NDUFS1: variants seen among roughly 807,000 people sequenced by gnomAD.
NDUFS1 encodes the protein NADH-ubiquinone oxidoreductase 75 kDa subunit, mitochondrial.
In NDUFS1, 61 loss-of-function variants were observed where a neutral mutation model predicts 84.4. That is an observed-to-expected ratio of 0.72 (90% confidence interval 0.59 to 0.89). The LOEUF is 0.89. NDUFS1 is among the 40% of genes least tolerant of loss of function. NDUFS1 has a pLI of 0.00. For missense variants in NDUFS1, 891 were observed against 890.0 expected, an observed-to-expected ratio of 1.00 and a Z score of -0.01; for synonymous variants, 275 against 290.0, an observed-to-expected ratio of 0.95 and a Z score of 0.53.
chr2:206,138,716 A>G (rs1484102076), intron 12 of NDUFS1, 102 bp from the exon 13 acceptor site: 26 of 1,159,666 alleles, frequency 2.2e-5, no homozygotes, highest in Non-Finnish European at 3.1e-5. Context: ...CAAAATGTTA[A>G]AAGCACAGAC....
intron 13 of NDUFS1, 35 bp from the exon 14 acceptor site, chr2:206,133,140 T>C: frequency 6.5e-7 from 1 of 1,531,042 alleles, no homozygotes; most frequent in Non-Finnish European, 8.9e-7. Flanking sequence ...GATTTTAAAA[T>C]ATTACAAGTA....
At chr2:206,137,718 T>C (rs932629459) in intron 13 of NDUFS1, among the ~76,000 whole-genome samples, 6 of 151,544 alleles carry the variant, frequency 4.0e-5, no homozygotes, top group Admixed American at 1.3e-4. Context: ...AGCAAAACAA[T>C]AAAGCCAACA....
At chr2:206,124,338 A>C (rs975474711) in intron 18 of NDUFS1, 62 bp from the exon 19 acceptor site, 58 of 1,224,188 alleles carry the variant, frequency 4.7e-5, no homozygotes, top group Non-Finnish European at 6.5e-5. Flanking sequence ...ACATACTAAA[A>C]CTTTAATGGT....
intron 18 of NDUFS1, among the ~76,000 whole-genome samples, chr2:206,124,851 T>C (rs191806201): frequency 6.6e-5 from 10 of 151,718 alleles, no homozygotes; most frequent in Admixed American, 1.3e-4. Context: ...AAAAAATAAA[T>C]AAATAAATAA....
intron 12 of NDUFS1, among the ~76,000 whole-genome samples, chr2:206,138,893 GATTA>G (rs1691826408): frequency 6.6e-6 from 1 of 152,264 alleles, no homozygotes; most frequent in East Asian, 1.9e-4. Flanking sequence ...AAGGCAGGTG[GATTA>G]ATTGAGGTCA....
intron 1 of NDUFS1, among the ~76,000 whole-genome samples, chr2:206,157,962 G>GCTT (rs200320257): frequency 1.9e-4 from 14 of 74,610 alleles, no homozygotes; most frequent in African/African-American, 7.0e-4. Context: ...TATTTCAATA[G>GCTT]CTTTTTTTTT....
rs1307721241 is a variant in NDUFS1 at position 206,127,975 on chromosome 2, G to A, written c.1709-3C>T. 2 of 1,613,904 alleles carry A rather than the reference G, an allele frequency of 1.2e-6. No individual in the cohort carries two copies. Among genetic ancestry groups the A allele is most frequent in the Non-Finnish European group, 8.5e-7 (1 of 1,179,952 alleles). On this transcript the variant is annotated splice_polypyrimidine_tract_variant and splice_region_variant and intron_variant, in intron 15 of 18. Transcript: ENST00000233190. ...AGCCCCAACATCACCATGATGTCCT[G>A]CACAAAGATGGAAAATGGTAAACCA... is the stretch of plus-strand genomic sequence containing the variant.
At position 206,153,622 on chromosome 2, in the gene NDUFS1, T is replaced by C. The variant is rs1376694111; in HGVS notation, c.57A>G (p.Gly19=). 8 of 1,536,236 alleles carry C rather than the reference T, an allele frequency of 5.2e-6. No individual in the cohort carries two copies. In the African/African-American group the frequency reaches 1.1e-4, roughly 21 times the overall value. ...CAAATTTAAGAAAATACTCACCACA[T>C]CCTTTAGGAGACTTAGAAAGGCCTA... ...ALVGLSKSPK[G]CVRTTATAAS... The change falls in exon 2 of 19, where the codon GGA becomes GGG. Residue 19 remains glycine, a synonymous_variant. Transcript: ENST00000233190.
chr2:206,152,163 C>A (rs761231193), intron 3 of NDUFS1, among the ~76,000 whole-genome samples: 3 of 152,022 alleles, frequency 2.0e-5, no homozygotes, highest in Non-Finnish European at 4.4e-5. Flanking sequence ...GCTCGGACTT[C>A]AAATTTCTTA....
chr2:206,133,200 CT>C, intron 13 of NDUFS1, 95 bp from the exon 14 acceptor site: 1 of 1,018,884 alleles, frequency 9.8e-7, no homozygotes, highest in Non-Finnish European at 1.4e-6. Context: ...TGTCCCAAGT[CT>C]TAGGTGTAAC....
chr2:206,124,816 G>A (rs774357964), intron 18 of NDUFS1, among the ~76,000 whole-genome samples: 5 of 152,110 alleles, frequency 3.3e-5, no homozygotes, highest in Non-Finnish European at 5.9e-5. Context: ...TCTAGCCTGG[G>A]CGACAGAGCA....
chr2:206,134,382 G>GC (rs1559048443), intron 13 of NDUFS1, among the ~76,000 whole-genome samples: 3 of 151,916 alleles, frequency 2.0e-5, no homozygotes, highest in Non-Finnish European at 2.9e-5. Context: ...GCCTGTAATC[G>GC]CAACACTCTG....
chr2:206,153,829 A>C, intron 1 of NDUFS1, 147 bp from the exon 2 acceptor site: 1 of 622,936 alleles, frequency 1.6e-6, no homozygotes, highest in Non-Finnish European at 2.9e-6. Flanking sequence ...TCTGTAGATG[A>C]GAATTCTCAG....
Position 206,121,172 on chromosome 2 carries a change from G to T in NDUFS1, c.*3013C>A, listed in dbSNP as rs1467918704. The T allele has an allele frequency of 6.6e-6, 1 of 152,148 alleles. No homozygotes were observed. Among genetic ancestry groups the T allele is most frequent in the Non-Finnish European group, 1.5e-5 (1 of 68,028 alleles). The allele number at this position is 152,148 out of a possible 1,614,324, so 9.4% of individuals were successfully genotyped here. On this transcript the variant is annotated 3_prime_UTR_variant, in exon 19 of 19. Transcript: ENST00000233190. ...CAGGAAATGGTATTATTATTCCAAG[G>T]TCTTTCTAGATTGCCTTATTCACCT...
rs1691197492 is a variant in NDUFS1, at chr2:206,124,283, G to GTCTTTT, written c.2093-8_2093-7insAAAAGA. ...GAGGCTCTGCTAATTGAATCTGAAA[G>GTCTTTT]ATATTAAGAAAATGTCATTTTGATA... On this transcript the variant is annotated splice_polypyrimidine_tract_variant and splice_region_variant and intron_variant, in intron 18 of 18. Coordinates refer to ENST00000233190, the MANE Select transcript of NDUFS1 (RefSeq NM_005006.7). 6.3e-7 allele frequency: 1 copy of GTCTTTT among 1,595,844 alleles called. No homozygotes were observed. Among genetic ancestry groups the GTCTTTT allele is most frequent in the South Asian group, 1.1e-5 (1 of 90,650 alleles).
At chr2:206,127,125 TAA>T (rs771267230) in intron 16 of NDUFS1, among the ~76,000 whole-genome samples, 11 of 152,206 alleles carry the variant, frequency 7.2e-5, no homozygotes, top group Admixed American at 5.9e-4. Context: ...TTAAAATACA[TAA>T]AGTTTACAAT....
intron 8 of NDUFS1, among the ~76,000 whole-genome samples, chr2:206,145,962 G>A (rs1692140017): frequency 6.6e-6 from 1 of 152,270 alleles, no homozygotes; most frequent in Admixed American, 6.5e-5. Flanking sequence ...TACATGTGCA[G>A]GTGAAACCAG....
In NDUFS1 at chr2:206,121,760, G is replaced by C. The variant is rs1199948501; in HGVS notation, c.*2425C>G. 6.6e-6 allele frequency: 1 copy of C among 151,960 alleles called. No homozygotes were observed. The highest frequency in any genetic ancestry group is 1.9e-4 in the East Asian group (1 of 5,174). The allele number at this position is 151,960 out of a possible 1,614,324, so 9.4% of individuals were successfully genotyped here. A position where few individuals can be genotyped will look rare whatever the true frequency, so the allele number is the denominator to read the frequency against. ...AGCCACCGCGCCCGGTCCAGACAAG[G>C]TATTTTTTAGAGATTATGATTGTTC... On this transcript the variant is annotated 3_prime_UTR_variant, in exon 19 of 19. Coordinates refer to ENST00000233190, the MANE Select transcript of NDUFS1 (RefSeq NM_005006.7).
rs1410475646 is a variant in NDUFS1, at chr2:206,118,303, T to C, written c.*5882A>G. On this transcript the variant is annotated 3_prime_UTR_variant, in exon 19 of 19. Coordinates refer to ENST00000233190, the MANE Select transcript of NDUFS1 (RefSeq NM_005006.7). Reference sequence around the variant, plus strand: ...AGCAAACTAAAGTGCTATGTAACTATTAAAATATTTTAAAATATTGGTTAT... The same window carrying C: ...AGCAAACTAAAGTGCTATGTAACTACTAAAATATTTTAAAATATTGGTTAT... The C allele has an allele frequency of 6.6e-6, 1 of 152,210 alleles. No homozygotes were observed. The highest frequency in any genetic ancestry group is 1.5e-5 in the Non-Finnish European group (1 of 68,038). 9.4% of individuals were successfully genotyped at this position (152,210 alleles called of 1,614,324 possible).
Sources: allele counts gnomAD v4.1 joint callset (sites outside exome capture counted in the v4.1 genomes callset), GRCh38; gene constraint gnomAD v4.1.1; transcripts MANE v1.5; gene names NCBI Gene and HGNC (gene_info 2026-07-23, HGNC 2026-07-21).